Variants in MARCKS observed in about 807,000 individuals in gnomAD.
MARCKS encodes myristoylated alanine rich protein kinase C substrate.
Under a neutral mutation model 6.3 loss-of-function variants are expected in MARCKS, and 4 were observed. That is an observed-to-expected ratio of 0.63 (90% CI 0.31 to 1.45). The LOEUF is 1.45. Among genes scored for constraint, MARCKS ranks in the 40% most tolerant of loss-of-function variants. MARCKS has a pLI of 0.07. For missense variants in MARCKS, 636 were observed against 485.7 expected, an observed-to-expected ratio of 1.31 and a Z score of -2.91; for synonymous variants, 289 against 236.5, an observed-to-expected ratio of 1.22 and a Z score of -2.04.
intron 1 of MARCKS, among the ~76,000 whole-genome samples, 170 bp downstream of exon 1, chr6:113,858,017 AC>A (rs1774814686): frequency 6.6e-6 from 1 of 152,178 alleles, no homozygotes. Flanking sequence ...GTCCCCCCAC[AC>A]CAAAGGAGTG....
chr6:113,857,936 G>A, intron 1 of MARCKS, 89 bp downstream of exon 1: 1 of 1,097,014 alleles, frequency 9.1e-7, no homozygotes, highest in East Asian at 2.6e-5. Context: ...GTGGAGAGGA[G>A]TGTGGCTGGA....
chr6:113,859,568 C>T (rs1774843076), intron 1 of MARCKS, 115 bp from the exon 2 acceptor site: 2 of 934,656 alleles, frequency 2.1e-6, no homozygotes, highest in Non-Finnish European at 2.9e-6. Context: ...GGGGTGGGGT[C>T]TCGATGGCCA....
chr6:113,860,514 G>T lies in MARCKS; in HGVS notation c.934G>T (p.Ala312Ser). ...CGCCGCAGCCTCGTCAGCCTGCGCA[G>T]CCCCCTCACAGGAGGCCCAGCCCGA... ...AAAAASSACA[A>S]PSQEAQPECS... Residue 312 changes from alanine to serine, a missense_variant, in exon 2 of 2, where the codon GCC (alanine) becomes TCC (serine). Physicochemically the swap from Ala to Ser is moderately conservative, Grantham distance 99. Transcript: ENST00000612661. 1 of 1,545,994 alleles carries T rather than the reference G, an allele frequency of 6.5e-7. No individual in the cohort carries two copies. The highest frequency in any genetic ancestry group is 8.7e-7 in the Non-Finnish European group (1 of 1,149,944).
chr6:113,860,355 GA>G lies in MARCKS; in HGVS notation c.776del (p.Glu259GlyfsTer110). 1 of 1,302,454 alleles carries G rather than the reference GA, an allele frequency of 7.7e-7. No individual in the cohort carries two copies. The highest frequency in any genetic ancestry group is 1.0e-6 in the Non-Finnish European group (1 of 999,584). The allele number at this position is 1,302,454 out of a possible 1,614,324, so 80.7% of individuals were successfully genotyped here. On this transcript the variant is annotated frameshift_variant, in exon 2 of 2. Transcript: ENST00000612661. LOFTEE classifies it low-confidence loss of function (END_TRUNC). ...CGCCAGCGACGAGACCAAGGCCGCC[GA>G]GGAGCCCAGCAAGGTGGAGGAGAAA... ...PPASDETKAA[E>X]EPSKVEEKKA...
chr6:113,859,709 C>T lies in MARCKS; in HGVS notation c.129C>T (p.Gly43=). Reference sequence around the variant, plus strand: ...AGAATGGCCACGTGAAGGTAAACGGCGACGCTTCGCCCGCGGCCGCCGAGT... The same window carrying T: ...AGAATGGCCACGTGAAGGTAAACGGTGACGCTTCGCCCGCGGCCGCCGAGT... ...GQENGHVKVN[G]DASPAAAESG... The change falls in exon 2 of 2, where the codon GGC becomes GGT. Residue 43 remains glycine (G), a synonymous_variant. Coordinates refer to ENST00000612661, the MANE Select transcript of MARCKS (RefSeq NM_002356.7). 1.3e-6 allele frequency: 2 copies of T among 1,504,468 alleles called. No individual in the cohort carries two copies. The highest frequency in any genetic ancestry group is 2.9e-5 in the East Asian group (1 of 34,382). 93.2% of individuals were successfully genotyped at this position (1,504,468 alleles called of 1,614,324 possible).
chr6:113,862,338 A>ATT lies in MARCKS; in HGVS notation c.*1759_*1760insTT, dbSNP rs1419390219. 6.6e-6 allele frequency: 1 copy of ATT among 152,156 alleles called. No individual in the cohort carries two copies. Among genetic ancestry groups the ATT allele is most frequent in the Non-Finnish European group, 1.5e-5 (1 of 67,954 alleles). The allele number at this position is 152,156 out of a possible 1,614,324, so 9.4% of individuals were successfully genotyped here. The stretch of plus-strand genomic sequence containing the variant: ...TTGCATAATATGTTCTACCTTAAGA[A>ATT]AACAGGTTTATGTAACAAAGTAATG... On this transcript the variant is annotated 3_prime_UTR_variant, in exon 2 of 2. Transcript: ENST00000612661.
intron 1 of MARCKS, among the ~76,000 whole-genome samples, chr6:113,858,890 C>A (rs951258406): frequency 6.6e-6 from 1 of 152,248 alleles, no homozygotes; most frequent in African/African-American, 2.4e-5. Flanking sequence ...GAGGCGAGAC[C>A]TCAGAAATAA....
In MARCKS at chr6:113,861,071, TG is replaced by T. The variant is rs1774894199; in HGVS notation, c.*493del. On this transcript the variant is annotated 3_prime_UTR_variant, in exon 2 of 2. Transcript: ENST00000612661. ...GTGCCACTAGAAATGGTGTAAAGGC[TG>T]TCTTTTTTTTTTTTTTAAAAGAAAA... 1 of 93,034 alleles carries T rather than the reference TG, an allele frequency of 1.1e-5. No individual in the cohort carries two copies. Among genetic ancestry groups the T allele is most frequent in the African/African-American group, 3.6e-5 (1 of 27,634 alleles). 5.8% of individuals were successfully genotyped at this position (93,034 alleles called of 1,614,324 possible). A position where few individuals can be genotyped will look rare whatever the true frequency, so the allele number is the denominator to read the frequency against.
rs549493672 is a variant in MARCKS at position 113,861,194 on chromosome 6, TA to T, written c.*628del. The T allele has an allele frequency of 2.2e-3, 306 of 138,264 alleles. 1 individual carries two copies. Among genetic ancestry groups the T allele is most frequent in the Non-Finnish European group, 2.4e-3 (149 of 63,330 alleles). 8.6% of individuals were successfully genotyped at this position (138,264 alleles called of 1,614,324 possible). A position where few individuals can be genotyped will look rare whatever the true frequency, so the allele number is the denominator to read the frequency against. On this transcript the variant is annotated 3_prime_UTR_variant, in exon 2 of 2. Transcript: ENST00000612661. ...AAGAAAAAACACCAATACCCAGATT[TA>T]AAAAAAAAAAAACGATCATAGTCTT...
At chr6:113,859,109 C>G (rs904247659) in intron 1 of MARCKS, among the ~76,000 whole-genome samples, 1 of 152,128 alleles carries the variant, frequency 6.6e-6, no homozygotes, top group African/African-American at 2.4e-5. Flanking sequence ...GGCACAGCGC[C>G]CCCTGCCGGT....
Position 113,860,516 on chromosome 6 carries a change from C to T in MARCKS, c.936C>T (p.Ala312=), listed in dbSNP as rs369178638. Residue 312 remains alanine, a synonymous_variant, in exon 2 of 2, where the codon GCC becomes GCT. Transcript: ENST00000612661. The stretch of plus-strand genomic sequence containing the variant: ...CCGCAGCCTCGTCAGCCTGCGCAGC[C>T]CCCTCACAGGAGGCCCAGCCCGAGT... ...AAAAASSACA[A]PSQEAQPECS... 1.6e-5 allele frequency: 25 copies of T among 1,548,232 alleles called. No individual in the cohort carries two copies. The African/African-American group carries it at 3.3e-4, about 20-fold the overall frequency.
rs1275563365 is a variant in MARCKS, at chr6:113,862,995, G to C, written c.*2416G>C. 1 of 152,130 alleles carries C rather than the reference G, an allele frequency of 6.6e-6. No homozygotes were observed. Among genetic ancestry groups the C allele is most frequent in the Non-Finnish European group, 1.5e-5 (1 of 68,002 alleles). The allele number at this position is 152,130 out of a possible 1,614,324, so 9.4% of individuals were successfully genotyped here. A position where few individuals can be genotyped will look rare whatever the true frequency, so the allele number is the denominator to read the frequency against. ...GGCCAAGTACAGTGCCTGGTATGTA[G>C]TAAGACTCAGTAAAAAAGTGGATTT... On this transcript the variant is annotated 3_prime_UTR_variant, in exon 2 of 2. Coordinates refer to ENST00000612661, the MANE Select transcript of MARCKS (RefSeq NM_002356.7).
Position 113,860,740 on chromosome 6 carries a change from T to G in MARCKS, c.*161T>G, listed in dbSNP as rs942949206. Reference sequence around the variant, plus strand: ...TTTTTTAAGCACCAAATTTTGTTGTTTTTTTTTTTTCTCCCCTCCCCACAG... The same window carrying G: ...TTTTTTAAGCACCAAATTTTGTTGTGTTTTTTTTTTCTCCCCTCCCCACAG... On this transcript the variant is annotated 3_prime_UTR_variant, in exon 2 of 2. Transcript: ENST00000612661. 34 of 102,374 alleles carry G rather than the reference T, an allele frequency of 3.3e-4. No homozygotes were observed. The highest frequency in any genetic ancestry group is 2.6e-3 in the African/African-American group (31 of 11,952). 6.3% of individuals were successfully genotyped at this position (102,374 alleles called of 1,614,324 possible).
At chr6:113,857,890 C>T (rs1192090535) in intron 1 of MARCKS, 43 bp downstream of exon 1, 1 of 1,471,150 alleles carries the variant, frequency 6.8e-7, no homozygotes, top group Admixed American at 1.9e-5. Flanking sequence ...TCGTGTCTTT[C>T]TCTCCTTCCC....
In MARCKS at chr6:113,860,454, G is replaced by T; in HGVS notation, c.874G>T (p.Glu292Ter). The T allele has an allele frequency of 7.5e-7, 1 of 1,331,342 alleles. No individual in the cohort carries two copies. Among genetic ancestry groups the T allele is most frequent in the East Asian group, 3.4e-5 (1 of 29,636 alleles). 82.5% of individuals were successfully genotyped at this position (1,331,342 alleles called of 1,614,324 possible). Reference sequence around the variant, plus strand: ...CGCCGCCGGGCCCGGCGCGCCCCCGGAGCAGGAGGCAGCCCCCGCGGAGGA... The same window carrying T: ...CGCCGCCGGGCCCGGCGCGCCCCCGTAGCAGGAGGCAGCCCCCGCGGAGGA... ...PSAAGPGAPP[E>*]QEAAPAEEPA... Residue 292 changes from glutamate (E) to a stop codon, truncating the protein, a stop_gained, in exon 2 of 2, where the codon GAG becomes TAG. Coordinates refer to ENST00000612661, the MANE Select transcript of MARCKS (RefSeq NM_002356.7). LOFTEE classifies it high-confidence loss of function.
At position 113,862,462 on chromosome 6, in the gene MARCKS, A is replaced by G. The variant is rs1339063940; in HGVS notation, c.*1883A>G. 6.6e-6 allele frequency: 1 copy of G among 150,686 alleles called. No homozygotes were observed. Among genetic ancestry groups the G allele is most frequent in the African/African-American group, 2.4e-5 (1 of 40,916 alleles). 9.3% of individuals were successfully genotyped at this position (150,686 alleles called of 1,614,324 possible). A position where few individuals can be genotyped will look rare whatever the true frequency, so the allele number is the denominator to read the frequency against. ...AAGTGTGTTAGCATCTTGTTACTCA[A>G]AGGATAAGACAGACAATAATACTTC... is the stretch of plus-strand genomic sequence containing the variant. On this transcript the variant is annotated 3_prime_UTR_variant, in exon 2 of 2. Coordinates refer to ENST00000612661, the MANE Select transcript of MARCKS (RefSeq NM_002356.7).
Position 113,859,869 on chromosome 6 carries a change from G to T in MARCKS, c.289G>T (p.Glu97Ter). 7.4e-7 allele frequency: 1 copy of T among 1,349,928 alleles called. No individual in the cohort carries two copies. 83.6% of individuals were successfully genotyped at this position (1,349,928 alleles called of 1,614,324 possible). A position where few individuals can be genotyped will look rare whatever the true frequency, so the allele number is the denominator to read the frequency against. ...TGAGCCGGCCGCCGCCGCTGCCCCC[G>T]AGGCCGGGGCCAGCCCGGTAGAGAA... ...KGEPAAAAAP[E>*]AGASPVEKEA... The change falls in exon 2 of 2, where the codon GAG (glutamate) becomes TAG (stop). Residue 97 changes from glutamate (E) to a stop codon, truncating the protein, a stop_gained. Coordinates refer to ENST00000612661, the MANE Select transcript of MARCKS (RefSeq NM_002356.7). LOFTEE classifies it low-confidence loss of function (END_TRUNC).
chr6:113,860,154 G>T lies in MARCKS; in HGVS notation c.574G>T (p.Gly192Cys). The change falls in exon 2 of 2, where the codon GGC becomes TGC. Residue 192 changes from glycine to cysteine, a missense_variant. Transcript: ENST00000612661. Reference protein sequence around the residue: ...GEAEAPAAEGGKDEAAGGAAA... With the variant: ...GEAEAPAAEGCKDEAAGGAAA... ...GGCTGAGGCGCCCGCTGCCGAAGGC[G>T]GCAAGGACGAGGCCGCCGGGGGCGC... 1.4e-6 allele frequency: 2 copies of T among 1,431,978 alleles called. No homozygotes were observed. The highest frequency in any genetic ancestry group is 1.4e-5 in the South Asian group (1 of 72,226). The allele number at this position is 1,431,978 out of a possible 1,614,324, so 88.7% of individuals were successfully genotyped here.
In MARCKS at chr6:113,859,778, C is replaced by A; in HGVS notation, c.198C>A (p.Ala66=). Residue 66 remains alanine (A), a synonymous_variant, in exon 2 of 2, where the codon GCC becomes GCA. Transcript: ENST00000612661. The part of the protein sequence containing the change: ...EELQANGSAP[A]ADKEEPAAAG... ...TGCAGGCCAACGGCAGCGCCCCGGC[C>A]GCCGACAAGGAGGAGCCCGCGGCCG... is the stretch of plus-strand genomic sequence containing the variant. 6.9e-7 allele frequency: 1 copy of A among 1,446,394 alleles called. No individual in the cohort carries two copies. The highest frequency in any genetic ancestry group is 9.1e-7 in the Non-Finnish European group (1 of 1,100,650). The allele number at this position is 1,446,394 out of a possible 1,614,324, so 89.6% of individuals were successfully genotyped here.
Sources: allele counts gnomAD v4.1 joint callset (sites outside exome capture counted in the v4.1 genomes callset), GRCh38; gene constraint gnomAD v4.1.1; transcripts MANE v1.5; gene names NCBI Gene and HGNC (gene_info 2026-07-23, HGNC 2026-07-21).